TSPAN11: variants seen among roughly 807,000 people sequenced by gnomAD.
The protein encoded by TSPAN11 is tetraspanin 11.
A neutral mutation model predicts 32.9 loss-of-function variants in TSPAN11; 29 were observed. The observed-to-expected ratio is 0.88, with a 90% confidence interval of 0.66 to 1.20. The LOEUF (loss-of-function observed/expected upper bound fraction) is 1.20. TSPAN11 is among the 50% of genes most tolerant of loss of function. The pLI, the probability that TSPAN11 is intolerant of heterozygous loss-of-function variation, is 0.00. For missense variants in TSPAN11, 283 were observed against 329.1 expected (o/e 0.86, Z 1.08); for synonymous variants, 140 against 141.3 (o/e 0.99, Z 0.07).
chr12:30,970,088 A>G (rs1167048660), intron 3 of TSPAN11, among the ~76,000 whole-genome samples: 1 of 152,186 alleles, frequency 6.6e-6, no homozygotes, highest in Non-Finnish European at 1.5e-5. Flanking sequence ...TCTCTCCCAC[A>G]GCCTGCAAGA....
intron 1 of TSPAN11, among the ~76,000 whole-genome samples, chr12:30,931,735 C>T (rs1937932656): frequency 6.6e-6 from 1 of 151,744 alleles, no homozygotes; most frequent in Non-Finnish European, 1.5e-5. Context: ...CAAAAATTAG[C>T]TGCGTGTGGT....
At chr12:30,990,525 T>G (rs993390528) in intron 7 of TSPAN11, among the ~76,000 whole-genome samples, 5 of 152,230 alleles carry the variant, frequency 3.3e-5, no homozygotes, top group Non-Finnish European at 7.3e-5. Flanking sequence ...CTAAGCCGCC[T>G]TTCAGCCTGA....
chr12:30,970,608 C>T (rs1480366420), intron 3 of TSPAN11, among the ~76,000 whole-genome samples: 1 of 152,154 alleles, frequency 6.6e-6, no homozygotes, highest in Non-Finnish European at 1.5e-5. Context: ...CCCTTTTCTG[C>T]TCCCAGAACC....
chr12:31,010,470 G>T, the TSPAN11 span, among the ~76,000 whole-genome samples: 1 of 152,068 alleles, frequency 6.6e-6, no homozygotes, highest in Non-Finnish European at 1.5e-5. Context: ...TCAAGTGTAG[G>T]CTGGGGTAGG....
Position 30,983,089 on chromosome 12 carries a change from AGTTCC to A in TSPAN11, c.642_646del (p.Gln214HisfsTer73). On this transcript the variant is annotated frameshift_variant, in exon 7 of 8. Transcript: ENST00000546076. LOFTEE classifies it high-confidence loss of function. ...GGAGGCTGCCTCACCAAGCTGGAGCAGTTCCTGGCCGACCACCTGCTGCTTATGGG... is the reference window on the plus strand; with the variant it reads ...GGAGGCTGCCTCACCAAGCTGGAGCATGGCCGACCACCTGCTGCTTATGGG... The A allele has an allele frequency of 6.2e-7, 1 of 1,613,258 alleles. No individual in the cohort carries two copies. The highest frequency in any genetic ancestry group is 8.5e-7 in the Non-Finnish European group (1 of 1,179,992).
At chr12:30,978,864 G>A (rs773429518) in intron 4 of TSPAN11, 5 of 543,302 alleles carry the variant, frequency 9.2e-6, no homozygotes, top group South Asian at 5.7e-5. Flanking sequence ...AGCTGGGGAC[G>A]GGGGCTTCCC....
chr12:30,938,269 G>A (rs1212129479), intron 1 of TSPAN11, among the ~76,000 whole-genome samples: 1 of 152,180 alleles, frequency 6.6e-6, no homozygotes, highest in Non-Finnish European at 1.5e-5. Context: ...GTCTTTTATT[G>A]GATGAACCAG....
intron 7 of TSPAN11, 82 bp from the exon 8 acceptor site, chr12:30,991,774 A>C: frequency 6.8e-7 from 1 of 1,476,042 alleles, no homozygotes; most frequent in South Asian, 1.1e-5. Flanking sequence ...TCGAGTGAGC[A>C]GCACTGCTCC....
In TSPAN11 at chr12:30,996,537, G is replaced by A. The variant is rs1939420814; in HGVS notation, c.*4622G>A. On this transcript the variant is annotated 3_prime_UTR_variant, in exon 8 of 8. Transcript: ENST00000546076. ...ATACCCCTGTCCTTAGCTGATCTAG[G>A]TGGAAGCCCAGCTTCATGTGCTAGG... 1 of 152,178 alleles carries A rather than the reference G, an allele frequency of 6.6e-6. No individual in the cohort carries two copies. The highest frequency in any genetic ancestry group is 1.5e-5 in the Non-Finnish European group (1 of 68,022). 9.4% of individuals were successfully genotyped at this position (152,178 alleles called of 1,614,324 possible). A position where few individuals can be genotyped will look rare whatever the true frequency, so the allele number is the denominator to read the frequency against.
rs114421085 is a variant in TSPAN11 at position 30,974,256 on chromosome 12, G to A, written c.277-4305G>A. 7.7e-3 allele frequency among the ~76,000 whole-genome samples: 1,176 copies of A among 152,368 alleles called. 16 individuals carry two copies. Among genetic ancestry groups the A allele is most frequent in the African/African-American group, 0.027 (1,111 of 41,584 alleles). On this transcript the variant is annotated intron_variant, in intron 3 of 7. Transcript: ENST00000546076. ...AAATCAAGTCCCAGCATCAGCCTGA[G>A]AACCTGAAGGTAAATGTGTGACCCA...
rs959121433 is a variant in TSPAN11, at chr12:30,993,120, C to G, written c.*1205C>G. 3.3e-5 allele frequency: 5 copies of G among 152,194 alleles called. 1 individual carries two copies. The highest frequency in any genetic ancestry group is 2.6e-4 in the Admixed American group (4 of 15,288). 9.4% of individuals were successfully genotyped at this position (152,194 alleles called of 1,614,324 possible). On this transcript the variant is annotated 3_prime_UTR_variant, in exon 8 of 8. Transcript: ENST00000546076. ...TGTACAACACCCATAGGGACCCCCC[C>G]AAATGGCTATTACAAAGGGGCAGCC...
the TSPAN11 span, among the ~76,000 whole-genome samples, chr12:31,004,174 T>C: frequency 0.038 from 5,711 of 152,266 alleles, 190 homozygotes; most frequent in East Asian, 0.17. Context: ...CTGAGTCCCA[T>C]AGATTCTTGA....
chr12:30,981,033 C>A (rs1259826181), intron 5 of TSPAN11, among the ~76,000 whole-genome samples: 1 of 152,178 alleles, frequency 6.6e-6, no homozygotes, highest in Non-Finnish European at 1.5e-5. Flanking sequence ...TTCCATGGGG[C>A]AGAGGCGGGG....
rs376371493 is a variant in TSPAN11, at chr12:30,958,017, G to A, written c.84+3942G>A. Among the ~76,000 whole-genome samples the A allele has an allele frequency of 1.6e-4, 25 of 152,128 alleles. 1 individual carries two copies. Among genetic ancestry groups the A allele is most frequent in the Non-Finnish European group, 2.5e-4 (17 of 68,010 alleles). The stretch of plus-strand genomic sequence containing the variant: ...AGAGTATGAGTGTAACTATGGAAAC[G>A]TGCAAGACCTGGAGTTGGTACAGAG... On this transcript the variant is annotated intron_variant, in intron 2 of 7. Transcript: ENST00000546076.
In TSPAN11 at chr12:30,963,928, A is replaced by G. The variant is rs1240226123; in HGVS notation, c.187A>G (p.Ile63Val). 2.5e-6 allele frequency: 4 copies of G among 1,613,788 alleles called. No individual in the cohort carries two copies. The highest frequency in any genetic ancestry group is 1.1e-5 in the South Asian group (1 of 91,082). The change falls in exon 3 of 8, where the codon ATC (isoleucine) becomes GTC (valine). Residue 63 changes from isoleucine to valine, a missense_variant. Coordinates refer to ENST00000546076, the MANE Select transcript of TSPAN11 (RefSeq NM_001370302.1). ...CAGCACCTTTGCCGCCTCCGCCTAC[A>G]TCCTCATCTTTGCGGGCGTACTTGT... is the stretch of plus-strand genomic sequence containing the variant. The part of the protein sequence containing the change: ...ASSTFAASAY[I>V]LIFAGVLVMV...
chr12:31,006,463 T>A, the TSPAN11 span, among the ~76,000 whole-genome samples: 1 of 152,236 alleles, frequency 6.6e-6, no homozygotes, highest in Non-Finnish European at 1.5e-5. Context: ...GAAGATGAAC[T>A]CCCATCCTCG....
chr12:30,963,715 G>A, intron 2 of TSPAN11, 111 bp from the exon 3 acceptor site: 1 of 1,192,468 alleles, frequency 8.4e-7, no homozygotes, highest in Non-Finnish European at 1.2e-6. Flanking sequence ...CTCCTTTGGA[G>A]GACTGAATGA....
chr12:30,954,225 AAT>A, intron 2 of TSPAN11, 150 bp downstream of exon 2: 1 of 660,138 alleles, frequency 1.5e-6, no homozygotes, highest in Non-Finnish European at 2.7e-6. Flanking sequence ...CTTTAAAGCA[AAT>A]ATGTACATTT....
At chr12:30,970,721 C>G (rs534496009) in intron 3 of TSPAN11, among the ~76,000 whole-genome samples, 6 of 152,284 alleles carry the variant, frequency 3.9e-5, no homozygotes, top group African/African-American at 1.4e-4. Context: ...GTGGTTGCAG[C>G]TGGACAACCC....
Sources: allele counts gnomAD v4.1 joint callset (sites outside exome capture counted in the v4.1 genomes callset), GRCh38; gene constraint gnomAD v4.1.1; transcripts MANE v1.5; gene names NCBI Gene and HGNC (gene_info 2026-07-23, HGNC 2026-07-21).